MRPL3: variants seen among roughly 807,000 people sequenced by gnomAD.
MRPL3 encodes mitochondrial ribosomal protein L3, also known as large ribosomal subunit protein uL3m.
In MRPL3, 43 loss-of-function variants were observed where a neutral mutation model predicts 44.3. The observed-to-expected ratio is 0.97, with a 90% CI of 0.76 to 1.25. The LOEUF (loss-of-function observed/expected upper bound fraction) is 1.25. MRPL3 is among the 50% of genes most tolerant of loss of function. The probability of loss-of-function intolerance (pLI) is 0.00; values close to 1 mark genes in which losing one functional copy is unlikely to be tolerated. For synonymous variants in MRPL3, 171 were observed against 152.3 expected (o/e 1.12, Z -0.91); for missense variants, 406 against 427.6 (o/e 0.95, Z 0.45).
rs146179756 is a variant in MRPL3, at chr3:131,490,065, A to G, written c.484T>C (p.Leu162=). The G allele has an allele frequency of 5.1e-5, 82 of 1,607,530 alleles. No homozygotes were observed. The highest frequency in any genetic ancestry group is 6.1e-5 in the Non-Finnish European group (72 of 1,174,394). Residue 162 remains leucine (L), a synonymous_variant, in exon 5 of 10, where the codon TTG becomes CTG. Transcript: ENST00000264995. ...VSRFRKATSI[L]EFYRELGLPP... Reference sequence around the variant, plus strand: ...AATCCAAGTTCCCGGTAAAATTCCAATATGGATGTAGCTTTCTAGAGGAAA... The same window carrying G: ...AATCCAAGTTCCCGGTAAAATTCCAGTATGGATGTAGCTTTCTAGAGGAAA...
chr3:131,496,849 G>A (rs1582720047), intron 4 of MRPL3, among the ~76,000 whole-genome samples: 1 of 152,350 alleles, frequency 6.6e-6, no homozygotes, highest in South Asian at 2.1e-4. Flanking sequence ...AAGTCCGTAA[G>A]ATGAAGTCTA....
rs753087379 is a variant in MRPL3, at chr3:131,502,595, C to A, written c.92+135G>T. The A allele has an allele frequency of 4.4e-6, 3 of 687,472 alleles. No homozygotes were observed. The East Asian group carries it at 9.1e-5, about 21-fold the overall frequency. 42.6% of individuals were successfully genotyped at this position (687,472 alleles called of 1,614,324 possible). The stretch of plus-strand genomic sequence containing the variant: ...CTTAGAACGTGCTTCCTTAGGTTAA[C>A]GGCCCTTATTCTTCTGTGTCCCACG... On this transcript the variant is annotated intron_variant, in intron 1 of 9. Transcript: ENST00000264995.
chr3:131,493,115 G>C (rs986836628), intron 4 of MRPL3, among the ~76,000 whole-genome samples: 3 of 152,020 alleles, frequency 2.0e-5, no homozygotes, highest in African/African-American at 7.3e-5. Context: ...GCCCCCAATG[G>C]CTATGTTACT....
At position 131,471,212 on chromosome 3, in the gene MRPL3, G is replaced by T; in HGVS notation, c.697C>A (p.Gln233Lys). ...GFKGQPATHG[Q>K]TKTHRRPGAV... ...CCAGGTCTCCTGTGGGTTTTCGTTT[G>T]ACCATGCGTAGCAGGCTGGCCTTTA... Residue 233 changes from glutamine (Q) to lysine (K), a missense_variant, in exon 7 of 10, where the codon CAA (glutamine) becomes AAA (lysine). Coordinates refer to ENST00000264995, the MANE Select transcript of MRPL3 (RefSeq NM_007208.4). The T allele has an allele frequency of 6.2e-7, 1 of 1,613,384 alleles. No individual in the cohort carries two copies. Among genetic ancestry groups the T allele is most frequent in the South Asian group, 1.1e-5 (1 of 91,060 alleles).
chr3:131,495,225 T>C (rs1473238213), intron 4 of MRPL3, among the ~76,000 whole-genome samples: 1 of 152,134 alleles, frequency 6.6e-6, no homozygotes, highest in Non-Finnish European at 1.5e-5. Flanking sequence ...CTATAATCAA[T>C]CGATTTGCAT....
rs776885370 is a variant in MRPL3, at chr3:131,471,201, G to A, written c.708C>T (p.Thr236=). The change falls in exon 7 of 10, where the codon ACC becomes ACT. Residue 236 remains threonine, a synonymous_variant. Coordinates refer to ENST00000264995, the MANE Select transcript of MRPL3 (RefSeq NM_007208.4). ...GQPATHGQTK[T]HRRPGAVATG... ...TTGCAACAGCTCCAGGTCTCCTGTG[G>A]GTTTTCGTTTGACCATGCGTAGCAG... 48 of 1,613,082 alleles carry A rather than the reference G, an allele frequency of 3.0e-5. No individual in the cohort carries two copies. Among genetic ancestry groups the A allele is most frequent in the Non-Finnish European group, 3.9e-5 (46 of 1,179,434 alleles).
At chr3:131,487,905 T>C (rs1934166404) in intron 5 of MRPL3, among the ~76,000 whole-genome samples, 165 bp from the exon 6 acceptor site, 3 of 152,226 alleles carry the variant, frequency 2.0e-5, no homozygotes, top group Admixed American at 1.3e-4. Flanking sequence ...TCAACAAATA[T>C]GTCTTTTGAT....
Position 131,500,501 on chromosome 3 carries a change from T to C in MRPL3, c.298A>G (p.Ile100Val). The change falls in exon 3 of 10, where the codon ATT (isoleucine) becomes GTT (valine). Residue 100 changes from isoleucine (I) to valine (V), a missense_variant. Coordinates refer to ENST00000264995, the MANE Select transcript of MRPL3 (RefSeq NM_007208.4). ...GGCATCATGCCCAGCTTCAAGGCAA[T>C]AAGACCAACTCTAAAGGAACCTGGC... is the stretch of plus-strand genomic sequence containing the variant. ...WEPGSFRVGLIALKLGMMPLW... is the reference protein window; with the variant it reads ...WEPGSFRVGLVALKLGMMPLW... 1 of 1,613,812 alleles carries C rather than the reference T, an allele frequency of 6.2e-7. No homozygotes were observed. Among genetic ancestry groups the C allele is most frequent in the Non-Finnish European group, 8.5e-7 (1 of 1,179,846 alleles).
At chr3:131,477,255 C>T (rs754590568) in intron 6 of MRPL3, among the ~76,000 whole-genome samples, 4 of 152,184 alleles carry the variant, frequency 2.6e-5, no homozygotes, top group Non-Finnish European at 4.4e-5. Context: ...TTAAACCCAT[C>T]CATTCTGTGT....
chr3:131,487,007 T>G (rs577903687), intron 6 of MRPL3: 2 of 152,322 alleles, frequency 1.3e-5, no homozygotes, highest in South Asian at 4.1e-4. Context: ...TGCACACATA[T>G]GTTTATTGTG....
At chr3:131,468,620 G>A (rs981566922) in intron 8 of MRPL3, among the ~76,000 whole-genome samples, 3 of 151,912 alleles carry the variant, frequency 2.0e-5, no homozygotes, top group African/African-American at 4.8e-5. Context: ...TACATAAATG[G>A]GAGAGAATGA....
At chr3:131,498,002 AAG>A in intron 4 of MRPL3, 175 bp downstream of exon 4, 1 of 608,950 alleles carries the variant, frequency 1.6e-6, no homozygotes, top group Non-Finnish European at 2.9e-6. Context: ...GAACAAACTC[AAG>A]AGTCTCCAAG....
At chr3:131,478,409 T>C (rs759070204) in intron 6 of MRPL3, among the ~76,000 whole-genome samples, 2 of 152,144 alleles carry the variant, frequency 1.3e-5, no homozygotes, top group Non-Finnish European at 2.9e-5. Flanking sequence ...CACATAAATT[T>C]GTACTCTGCT....
rs141422904 is a variant in MRPL3, at chr3:131,462,761, C to T, written c.1009G>A (p.Val337Met). ...ELPEDLYDEN[V>M]CQPGAPSITF... ...ATAGAAGGCGCACCGGGCTGACACA[C>T]GTTTTCATCATACAAATCTTCTGGC... Residue 337 changes from valine to methionine, a missense_variant, in exon 10 of 10, where the codon GTG (valine) becomes ATG (methionine). Val to Met is a conservative substitution (Grantham distance 21). Transcript: ENST00000264995. 4.5e-5 allele frequency: 72 copies of T among 1,612,458 alleles called. 1 individual carries two copies. In the East Asian group the frequency reaches 1.1e-3, roughly 25 times the overall value.
At chr3:131,500,704 G>A (rs1934478232) in intron 2 of MRPL3, among the ~76,000 whole-genome samples, 183 bp from the exon 3 acceptor site, 1 of 152,124 alleles carries the variant, frequency 6.6e-6, no homozygotes. Flanking sequence ...ACCATGCCTG[G>A]CATGACATAT....
chr3:131,470,617 GACAC>G (rs370195418), intron 7 of MRPL3, among the ~76,000 whole-genome samples: 2 of 150,868 alleles, frequency 1.3e-5, no homozygotes, highest in African/African-American at 2.4e-5. Flanking sequence ...ACAGAACTAA[GACAC>G]ACACACACAC....
intron 6 of MRPL3, among the ~76,000 whole-genome samples, chr3:131,486,086 T>A (rs1934111477): frequency 6.6e-6 from 1 of 152,134 alleles, no homozygotes; most frequent in Non-Finnish European, 1.5e-5. Context: ...GGGGAAAGGA[T>A]TCCCTATTTA....
intron 1 of MRPL3, 123 bp from the exon 2 acceptor site, chr3:131,501,838 GTATAC>G: frequency 6.3e-7 from 1 of 1,575,820 alleles, no homozygotes; most frequent in Non-Finnish European, 8.6e-7. Flanking sequence ...CTTGGATTCT[GTATAC>G]CTTTTTTTCA....
At chr3:131,501,919 G>C in intron 1 of MRPL3, 1 of 1,535,378 alleles carries the variant, frequency 6.5e-7, no homozygotes, top group Non-Finnish European at 8.7e-7. Context: ...ACTGTTAGTC[G>C]TTACCCTGGA....
Sources: gnomAD v4.1 joint callset for allele counts (sites outside exome capture counted in the v4.1 genomes callset) on GRCh38, gnomAD v4.1.1 for gene constraint, MANE v1.5 for transcripts, NCBI Gene and HGNC (gene_info 2026-07-23, HGNC 2026-07-21) for gene names.